NFAT5: variants seen among roughly 807,000 people sequenced by gnomAD.
NFAT5 encodes the protein nuclear factor of activated T cells 5.
Under a neutral mutation model 166.5 loss-of-function variants are expected in NFAT5, and 31 were observed. The ratio of observed to expected loss-of-function variants is 0.19; its 90% CI spans 0.14 to 0.25. The LOEUF (loss-of-function observed/expected upper bound fraction) is 0.25, where lower values mean the gene tolerates loss of function less well. Ranked by LOEUF, NFAT5 falls within the 10% of genes least tolerant of loss-of-function variation. The pLI, the probability that NFAT5 is intolerant of heterozygous loss-of-function variation, is 1.00. For synonymous variants in NFAT5, 612 were observed against 639.7 expected (o/e 0.96, Z 0.65); for missense variants, 1,449 against 1,821.8 (o/e 0.80, Z 3.72).
chr16:69,644,776 C>T (rs965626041), intron 3 of NFAT5: 5 of 441,958 alleles, frequency 1.1e-5, no homozygotes, highest in Non-Finnish European at 2.3e-5. Context: ...TTCACCTGTA[C>T]TTTCCATCTG....
chr16:69,671,753 C>T (rs1013398577), intron 9 of NFAT5, among the ~76,000 whole-genome samples: 13 of 152,202 alleles, frequency 8.5e-5, no homozygotes, highest in African/African-American at 3.1e-4. Context: ...CGGAGTGTCC[C>T]AGGCACTAAC....
In NFAT5 at chr16:69,682,362, C is replaced by T. The variant is rs2037101602; in HGVS notation, c.1691-2525C>T. On this transcript the variant is annotated intron_variant, in intron 10 of 14. Coordinates refer to ENST00000349945, the MANE Select transcript of NFAT5 (RefSeq NM_138713.4). ...GTGGCTCACATATGTGGTCCTGACA[C>T]TTCAGGAGGCCAAGGCAAGAGGATC... Among the ~76,000 whole-genome samples the T allele has an allele frequency of 2.7e-5, 4 of 150,156 alleles. No individual in the cohort carries two copies. The South Asian group carries it at 8.4e-4, about 31-fold the overall frequency.
At chr16:69,652,893 A>G (rs1337997570) in intron 4 of NFAT5, among the ~76,000 whole-genome samples, 1 of 152,178 alleles carries the variant, frequency 6.6e-6, no homozygotes, top group Non-Finnish European at 1.5e-5. Context: ...CTGAAGTACA[A>G]TGTTAAAGGT....
chr16:69,587,022 G>A (rs2032111989), intron 2 of NFAT5, among the ~76,000 whole-genome samples: 1 of 152,094 alleles, frequency 6.6e-6, no homozygotes, highest in South Asian at 2.1e-4. Context: ...TTCATCAAAA[G>A]GCCTGGTTAA....
At chr16:69,648,142 C>T in intron 4 of NFAT5, 1 of 879,424 alleles carries the variant, frequency 1.1e-6, no homozygotes, top group Non-Finnish European at 1.4e-6. Flanking sequence ...CGCCACTGTA[C>T]TCCAGCCTGG....
At chr16:69,573,122 A>G (rs1277907906) in intron 2 of NFAT5, among the ~76,000 whole-genome samples, 1 of 152,202 alleles carries the variant, frequency 6.6e-6, no homozygotes, top group Non-Finnish European at 1.5e-5. Flanking sequence ...GATTACGGGC[A>G]TGTGCCACCG....
intron 4 of NFAT5, among the ~76,000 whole-genome samples, chr16:69,649,720 A>G (rs2035589055): frequency 6.6e-6 from 1 of 152,028 alleles, no homozygotes; most frequent in East Asian, 1.9e-4. Context: ...ATGTCAAGCT[A>G]AAAGCCTGTA....
At position 69,566,457 on chromosome 16, in the gene NFAT5, C is replaced by T; in HGVS notation, c.73+83C>T. On this transcript the variant is annotated intron_variant, in intron 1 of 14. Transcript: ENST00000349945. The surrounding 1 kb of genome is among the most constrained non-coding windows in gnomAD (Gnocchi z 5.7). ...CAGGGCCAGGGGAGGCGAGGGGTCCCCGTCCCGCCGGGGGCGGCTGAGCCG... is the reference window on the plus strand; with the variant it reads ...CAGGGCCAGGGGAGGCGAGGGGTCCTCGTCCCGCCGGGGGCGGCTGAGCCG... 4.9e-6 allele frequency: 6 copies of T among 1,222,282 alleles called. No homozygotes were observed. The South Asian group carries it at 6.5e-5, about 13-fold the overall frequency. 75.7% of individuals were successfully genotyped at this position (1,222,282 alleles called of 1,614,324 possible).
chr16:69,575,268 A>T (rs2016680490), intron 2 of NFAT5, among the ~76,000 whole-genome samples: 1 of 152,044 alleles, frequency 6.6e-6, no homozygotes, highest in African/African-American at 2.4e-5. Context: ...CTTGGGTTCA[A>T]GCAATTCTCC....
At chr16:69,676,910 G>T in intron 9 of NFAT5, 1 of 251,846 alleles carries the variant, frequency 4.0e-6, no homozygotes, top group Non-Finnish European at 7.5e-6. Context: ...TATGTTAAAA[G>T]AAGGGACCGA....
At chr16:69,636,460 G>C (rs1038809521) in intron 3 of NFAT5, among the ~76,000 whole-genome samples, 3 of 152,152 alleles carry the variant, frequency 2.0e-5, no homozygotes, top group Admixed American at 6.5e-5. Context: ...TTTTCCATCT[G>C]CTTTGCCCTA....
At chr16:69,653,841 A>C (rs2151633845) in intron 5 of NFAT5, among the ~76,000 whole-genome samples, 1 of 152,270 alleles carries the variant, frequency 6.6e-6, no homozygotes, top group South Asian at 2.1e-4. Flanking sequence ...GAAATATTAA[A>C]GTGAATTCAG....
chr16:69,657,275 C>T (rs1275117112), intron 6 of NFAT5, among the ~76,000 whole-genome samples: 4 of 151,308 alleles, frequency 2.6e-5, no homozygotes, highest in African/African-American at 4.9e-5. Context: ...GGATTACAGG[C>T]GCCCACCACC....
chr16:69,606,117 A>G (rs2033394121), intron 2 of NFAT5, among the ~76,000 whole-genome samples: 1 of 152,162 alleles, frequency 6.6e-6, no homozygotes, highest in African/African-American at 2.4e-5. Context: ...TTTCTCATTA[A>G]ATTTGCCTCT....
chr16:69,579,012 C>T (rs1427247989), intron 2 of NFAT5, among the ~76,000 whole-genome samples: 1 of 151,862 alleles, frequency 6.6e-6, no homozygotes, highest in Admixed American at 6.6e-5. Context: ...GTAGCTGGGA[C>T]TACAGGCCTG....
At chr16:69,649,852 G>A (rs2035593730) in intron 4 of NFAT5, among the ~76,000 whole-genome samples, 1 of 151,766 alleles carries the variant, frequency 6.6e-6, no homozygotes, top group African/African-American at 2.4e-5. Flanking sequence ...ACTTTAAAAT[G>A]TATACAGCAG....
intron 3 of NFAT5, among the ~76,000 whole-genome samples, chr16:69,636,826 G>C (rs896238291): frequency 6.6e-6 from 1 of 152,162 alleles, no homozygotes; most frequent in African/African-American, 2.4e-5. Flanking sequence ...AAAGGTCTCT[G>C]ACATGGCCTG....
At chr16:69,633,095 T>G (rs2151592414) in intron 3 of NFAT5, among the ~76,000 whole-genome samples, 1 of 152,368 alleles carries the variant, frequency 6.6e-6, no homozygotes, top group East Asian at 1.9e-4. Context: ...TGCTAATTGT[T>G]TGACAGTTAC....
chr16:69,697,927 T>C lies in NFAT5; in HGVS notation c.*1576T>C, dbSNP rs1567621340. 1.4e-5 allele frequency: 2 copies of C among 144,976 alleles called. No homozygotes were observed. Among genetic ancestry groups the C allele is most frequent in the Admixed American group, 7.4e-5 (1 of 13,550 alleles). 9.0% of individuals were successfully genotyped at this position (144,976 alleles called of 1,614,324 possible). On this transcript the variant is annotated 3_prime_UTR_variant, in exon 15 of 15. Coordinates refer to ENST00000349945, the MANE Select transcript of NFAT5 (RefSeq NM_138713.4). ...AAATAACCTGTTAATTGTTGAAGGC[T>C]ACTTTTCTGTTCTTTTTTTTTTTTT...
Sources: gnomAD v4.1 joint callset for allele counts (sites outside exome capture counted in the v4.1 genomes callset) on GRCh38, gnomAD v4.1.1 for gene constraint, Gnocchi (gnomAD v3.1) non-coding constraint, MANE v1.5 for transcripts, NCBI Gene and HGNC (gene_info 2026-07-23, HGNC 2026-07-21) for gene names.